Variants in GDPD4 observed in about 807,000 individuals in gnomAD.
The protein encoded by GDPD4 is glycerophosphodiester phosphodiesterase 6.
In GDPD4, 60 loss-of-function variants were observed where a neutral mutation model predicts 67.8. The observed-to-expected ratio is 0.88, with a 90% CI of 0.72 to 1.10. GDPD4 has a LOEUF of 1.10. GDPD4 is among the 50% of genes least tolerant of loss of function. The pLI is 0.00. For synonymous variants in GDPD4, 212 were observed against 210.9 expected, an observed-to-expected ratio of 1.00 and a Z score of -0.04; for missense variants, 623 against 613.9, an observed-to-expected ratio of 1.01 and a Z score of -0.16.
At chr11:77,219,831 C>G (rs1277900845) in intron 16 of GDPD4, among the ~76,000 whole-genome samples, 1 of 152,134 alleles carries the variant, frequency 6.6e-6, no homozygotes, top group Non-Finnish European at 1.5e-5. Flanking sequence ...CAGCTTTGTT[C>G]TTTTTGCTTA....
chr11:77,253,559 G>A (rs766531467), intron 11 of GDPD4, among the ~76,000 whole-genome samples: 3 of 152,188 alleles, frequency 2.0e-5, no homozygotes, highest in African/African-American at 4.8e-5. Flanking sequence ...CTGTAGGGTC[G>A]GGTATCTCTC....
At chr11:77,288,115 C>T (rs1297523559) in intron 1 of GDPD4, among the ~76,000 whole-genome samples, 1 of 152,176 alleles carries the variant, frequency 6.6e-6, no homozygotes. Flanking sequence ...ACTACCACCA[C>T]CAATGCCTAC....
At chr11:77,282,717 A>C (rs1241890343) in intron 3 of GDPD4, among the ~76,000 whole-genome samples, 1 of 152,130 alleles carries the variant, frequency 6.6e-6, no homozygotes, top group African/African-American at 2.4e-5. Flanking sequence ...ACAAAAAAAA[A>C]AACACAGAAC....
chr11:77,220,795 T>C (rs1053484410), intron 16 of GDPD4, among the ~76,000 whole-genome samples: 1 of 152,208 alleles, frequency 6.6e-6, no homozygotes, highest in Non-Finnish European at 1.5e-5. Flanking sequence ...AGCTCCTCTT[T>C]GTATCTCTGG....
In GDPD4 at chr11:77,271,208, C is replaced by T. The variant is rs756752584; in HGVS notation, c.322G>A (p.Val108Met). The change falls in exon 7 of 17, where the codon GTG (valine) becomes ATG (methionine). Residue 108 changes from valine to methionine, a missense_variant. Physicochemically the swap from Val to Met is conservative, Grantham distance 21. Transcript: ENST00000315938. ...ATCACAGTTATGCTGACCAGGTGCA[C>T]GTAGGGAGCAAAGATCTGTGAGAAA... is the stretch of plus-strand genomic sequence containing the variant. ...GLSMQIFAPYVHLVSITVMVI... is the reference protein window; with the variant it reads ...GLSMQIFAPYMHLVSITVMVI... 31 of 1,612,980 alleles carry T rather than the reference C, an allele frequency of 1.9e-5. No individual in the cohort carries two copies. The highest frequency in any genetic ancestry group is 4.5e-5 in the East Asian group (2 of 44,886).
rs115079948 is a variant in GDPD4, at chr11:77,239,161, C to A, written c.1241+4533G>T. Among the ~76,000 whole-genome samples, 1,219 of 152,246 alleles carry A rather than the reference C, an allele frequency of 8.0e-3. 21 individuals are homozygous for A. Among genetic ancestry groups the A allele is most frequent in the African/African-American group, 0.027 (1,108 of 41,540 alleles). ...ATTCAACACCCTTTCATGATAAAAA[C>A]TCTCAACAGATTATGTATAGAAGGA... is the stretch of plus-strand genomic sequence containing the variant. On this transcript the variant is annotated intron_variant, in intron 13 of 16. Transcript: ENST00000315938.
At position 77,289,953 on chromosome 11, in the gene GDPD4, G is replaced by A. The variant is rs115396594; in HGVS notation, c.-253-2533C>T. ...TACTCGAATTTTGGATATTCCAGAA[G>A]AAGAGGTGGGGAAAAGCATCGAAAA... On this transcript the variant is annotated intron_variant, in intron 1 of 16. Transcript: ENST00000315938. Among the ~76,000 whole-genome samples the A allele has an allele frequency of 3.3e-3, 506 of 152,282 alleles. 5 individuals are homozygous for A. Among genetic ancestry groups the A allele is most frequent in the African/African-American group, 0.011 (469 of 41,558 alleles).
intron 10 of GDPD4, among the ~76,000 whole-genome samples, chr11:77,261,375 T>C (rs1386725268): frequency 1.3e-5 from 2 of 152,096 alleles, no homozygotes; most frequent in African/African-American, 2.4e-5. Flanking sequence ...GTAGCTGGGA[T>C]TACAGGTGCC....
At chr11:77,283,753 T>G (rs1227328328) in intron 3 of GDPD4, among the ~76,000 whole-genome samples, 4 of 151,930 alleles carry the variant, frequency 2.6e-5, no homozygotes, top group African/African-American at 9.7e-5. Context: ...AAGAAAACAT[T>G]ATGCAATATT....
At chr11:77,229,897 C>T (rs1267566163) in intron 14 of GDPD4, among the ~76,000 whole-genome samples, 1 of 152,144 alleles carries the variant, frequency 6.6e-6, no homozygotes, top group African/African-American at 2.4e-5. Context: ...GTTTGATGCT[C>T]CCTTTCCACC....
intron 16 of GDPD4, among the ~76,000 whole-genome samples, chr11:77,222,055 T>G (rs1016483816): frequency 2.6e-5 from 4 of 152,136 alleles, no homozygotes; most frequent in African/African-American, 9.7e-5. Flanking sequence ...AACCCCTGCT[T>G]TTTTGCTTTC....
intron 13 of GDPD4, among the ~76,000 whole-genome samples, chr11:77,241,283 A>G (rs1036621085): frequency 6.6e-5 from 10 of 152,224 alleles, no homozygotes; most frequent in African/African-American, 2.2e-4. Flanking sequence ...TTGTGAAAAC[A>G]TGGTTGAGCA....
At chr11:77,252,029 T>C (rs12798002) in intron 11 of GDPD4, among the ~76,000 whole-genome samples, 42 of 151,200 alleles carry the variant, frequency 2.8e-4, no homozygotes, top group Non-Finnish European at 1.5e-4. Context: ...TGCAAGGGTG[T>C]CCATTTGGGT....
In GDPD4 at chr11:77,234,822, C is replaced by A. The variant is rs561359824; in HGVS notation, c.1242-1650G>T. On this transcript the variant is annotated intron_variant, in intron 13 of 16. Transcript: ENST00000315938. ...GCAATAAACATACAAGTGCAGGTAT[C>A]TTTTTAGTAGAACAATTTATTTTCC... Among the ~76,000 whole-genome samples, 25 of 152,154 alleles carry A rather than the reference C, an allele frequency of 1.6e-4. No homozygotes were observed. In the Middle Eastern group the frequency reaches 0.027, roughly 167 times the overall value.
chr11:77,248,987 C>T (rs1006445022), intron 11 of GDPD4, among the ~76,000 whole-genome samples: 5 of 150,200 alleles, frequency 3.3e-5, no homozygotes, highest in Non-Finnish European at 7.4e-5. Flanking sequence ...ATATTAGAGG[C>T]TGGGCAAGGT....
At chr11:77,288,350 C>T (rs930170239) in intron 1 of GDPD4, among the ~76,000 whole-genome samples, 1 of 152,064 alleles carries the variant, frequency 6.6e-6, no homozygotes, top group Admixed American at 6.6e-5. Context: ...AAAAATTGGC[C>T]CACCTCGACC....
chr11:77,278,458 T>TC (rs1959593309), intron 4 of GDPD4, among the ~76,000 whole-genome samples: 1 of 152,236 alleles, frequency 6.6e-6, no homozygotes, highest in Admixed American at 6.5e-5. Flanking sequence ...AACTTATATC[T>TC]CACATCTACC....
intron 11 of GDPD4, among the ~76,000 whole-genome samples, chr11:77,257,100 A>G (rs1959016110): frequency 6.6e-6 from 1 of 152,110 alleles, no homozygotes; most frequent in South Asian, 2.1e-4. Flanking sequence ...TTCTTTTCCT[A>G]ATTACACTAC....
chr11:77,278,461 C>A (rs1959593571), intron 4 of GDPD4, among the ~76,000 whole-genome samples: 1 of 152,230 alleles, frequency 6.6e-6, no homozygotes, highest in Non-Finnish European at 1.5e-5. Flanking sequence ...TTATATCTCA[C>A]ATCTACCTCT....
Sources: allele counts gnomAD v4.1 joint callset (sites outside exome capture counted in the v4.1 genomes callset), GRCh38; gene constraint gnomAD v4.1.1; transcripts MANE v1.5; gene names NCBI Gene and HGNC (gene_info 2026-07-23, HGNC 2026-07-21).